Variants in RXRA observed in about 807,000 individuals in gnomAD.
The protein encoded by RXRA is retinoic acid receptor RXR-alpha.
Under a neutral mutation model 44.5 loss-of-function variants are expected in RXRA, and 5 were observed. The observed-to-expected ratio is 0.11, with a 90% CI of 0.06 to 0.24. RXRA has a LOEUF of 0.24. Ranked by LOEUF, RXRA falls within the 10% of genes least tolerant of loss-of-function variation. The pLI is 1.00. For missense variants in RXRA, 412 were observed against 646.5 expected, an observed-to-expected ratio of 0.64 and a Z score of 3.93; for synonymous variants, 291 against 271.4, an observed-to-expected ratio of 1.07 and a Z score of -0.71.
chr9:134,368,362 C>T (rs960770868), intron 1 of RXRA, among the ~76,000 whole-genome samples: 1 of 152,244 alleles, frequency 6.6e-6, no homozygotes, highest in African/African-American at 2.4e-5. Context: ...CCCTTGCCAC[C>T]CACTCCCCTG....
intron 1 of RXRA, among the ~76,000 whole-genome samples, chr9:134,332,387 G>T (rs138288577): frequency 4.6e-5 from 7 of 152,214 alleles, no homozygotes; most frequent in Non-Finnish European, 7.3e-5. Context: ...GCAGGCGTCC[G>T]CCGCAGCCTT....
intron 1 of RXRA, among the ~76,000 whole-genome samples, chr9:134,369,138 GGGGTTA>G (rs1830457037): frequency 2.2e-5 from 2 of 91,984 alleles, no homozygotes; most frequent in African/African-American, 4.7e-5. Flanking sequence ...GGTTGTGTGT[GGGGTTA>G]TGTGTGTGTG....
intron 1 of RXRA, among the ~76,000 whole-genome samples, chr9:134,384,320 A>T (rs1259827720): frequency 6.6e-6 from 1 of 152,056 alleles, no homozygotes; most frequent in Non-Finnish European, 1.5e-5. Context: ...TCATCTTTGA[A>T]CCCCAAACTG....
chr9:134,424,328 C>T (rs1292367593), intron 6 of RXRA: 2 of 985,414 alleles, frequency 2.0e-6, no homozygotes, highest in East Asian at 2.3e-4. Flanking sequence ...AGGGTGGCCT[C>T]TGCTCCTGCC....
At chr9:134,408,859 G>A in intron 3 of RXRA, 81 bp from the exon 4 acceptor site, 1 of 1,325,724 alleles carries the variant, frequency 7.5e-7, no homozygotes. Flanking sequence ...CCGCCAGCTG[G>A]TAGTGGCGGC....
In RXRA at chr9:134,436,057, G is replaced by A. The variant is rs1230298825; in HGVS notation, c.1242-410G>A. On this transcript the variant is annotated intron_variant, in intron 9 of 9. Coordinates refer to ENST00000481739, the MANE Select transcript of RXRA (RefSeq NM_002957.6). Reference sequence around the variant, plus strand: ...GACAGGGTCTCACTGCGTTGCCCAGGCTGGTCTCGAACTCCTGGCCTCAAG... The same window carrying A: ...GACAGGGTCTCACTGCGTTGCCCAGACTGGTCTCGAACTCCTGGCCTCAAG... Among the ~76,000 whole-genome samples, 5 of 152,302 alleles carry A rather than the reference G, an allele frequency of 3.3e-5. No homozygotes were observed. In the East Asian group the frequency reaches 9.7e-4, roughly 29 times the overall value.
chr9:134,414,430 T>A (rs1831200809), intron 4 of RXRA, among the ~76,000 whole-genome samples: 1 of 152,244 alleles, frequency 6.6e-6, no homozygotes, highest in Non-Finnish European at 1.5e-5. Flanking sequence ...CCCCGTGTGC[T>A]GGCGCTTCCT....
chr9:134,357,128 G>A (rs1830293095), intron 1 of RXRA, among the ~76,000 whole-genome samples: 1 of 151,758 alleles, frequency 6.6e-6, no homozygotes, highest in African/African-American at 2.4e-5. Flanking sequence ...TGTCTCCGCA[G>A]CCTGTTGCAA....
intron 1 of RXRA, among the ~76,000 whole-genome samples, chr9:134,358,077 C>T (rs1225216182): frequency 6.6e-6 from 1 of 152,266 alleles, no homozygotes; most frequent in Admixed American, 6.5e-5. Flanking sequence ...CCTGCAGCAC[C>T]ATCTCCACGG....
In RXRA at chr9:134,335,844, C is replaced by A. The variant is rs572205217; in HGVS notation, c.28+9185C>A. ...CCCTTCCCTACCACCTATTCCTATACCCCTTGGTCTGTCCCTGTAGTGCCC... is the reference window on the plus strand; with the variant it reads ...CCCTTCCCTACCACCTATTCCTATAACCCTTGGTCTGTCCCTGTAGTGCCC... On this transcript the variant is annotated intron_variant, in intron 1 of 9. Coordinates refer to ENST00000481739, the MANE Select transcript of RXRA (RefSeq NM_002957.6). Among the ~76,000 whole-genome samples the A allele has an allele frequency of 2.0e-3, 311 of 152,270 alleles. 1 individual carries two copies. Among genetic ancestry groups the A allele is most frequent in the African/African-American group, 7.2e-3 (298 of 41,544 alleles).
chr9:134,419,177 C>T (rs1013336586), intron 5 of RXRA, among the ~76,000 whole-genome samples: 1 of 152,228 alleles, frequency 6.6e-6, no homozygotes, highest in Non-Finnish European at 1.5e-5. Context: ...CTGCCCTGCT[C>T]CCGCCTCACC....
rs1037645543 is a variant in RXRA at position 134,356,661 on chromosome 9, G to A, written c.28+30002G>A. ...ACTGTATGCTAGCACTGCGGTGGCC[G>A]TCCTGCTCAGCGGCTCTTGGATTAG... On this transcript the variant is annotated intron_variant, in intron 1 of 9. Coordinates refer to ENST00000481739, the MANE Select transcript of RXRA (RefSeq NM_002957.6). Among the ~76,000 whole-genome samples the A allele has an allele frequency of 9.2e-5, 14 of 152,242 alleles. No homozygotes were observed. In the South Asian group the frequency reaches 1.2e-3, roughly 14 times the overall value.
rs1356555414 is a variant in RXRA at position 134,342,810 on chromosome 9, TCTGG to T, written c.28+16158_28+16161del. Among the ~76,000 whole-genome samples, 1 of 152,090 alleles carries T rather than the reference TCTGG, an allele frequency of 6.6e-6. No homozygotes were observed. Among genetic ancestry groups the T allele is most frequent in the Non-Finnish European group, 1.5e-5 (1 of 68,002 alleles). ...TACCTGCCTTCCTGGCCCTTCCTGC[TCTGG>T]CTGGCTCAGCAGGTTGAGCGCAGGT... On this transcript the variant is annotated intron_variant, in intron 1 of 9. Transcript: ENST00000481739. The surrounding 1 kb of genome is among the most constrained non-coding windows in gnomAD (Gnocchi z 4.4).
At chr9:134,331,874 C>T (rs1554746686) in intron 1 of RXRA, among the ~76,000 whole-genome samples, 1 of 152,248 alleles carries the variant, frequency 6.6e-6, no homozygotes, top group African/African-American at 2.4e-5. Context: ...GTCCTCCTGC[C>T]TCTCAGCATC....
chr9:134,335,161 C>T (rs1376247402), intron 1 of RXRA, among the ~76,000 whole-genome samples: 1 of 152,198 alleles, frequency 6.6e-6, no homozygotes, highest in Non-Finnish European at 1.5e-5. Flanking sequence ...CCTCATTAGG[C>T]ACCTCTCACT....
chr9:134,421,673 C>T lies in RXRA; in HGVS notation c.781-3C>T, dbSNP rs199872291. On this transcript the variant is annotated splice_polypyrimidine_tract_variant and splice_region_variant and intron_variant, in intron 5 of 9. Coordinates refer to ENST00000481739, the MANE Select transcript of RXRA (RefSeq NM_002957.6). Reference sequence around the variant, plus strand: ...ATGTCCTGCTCTTCTTCCTCCACTGCAGCCGAACGACCCTGTCACCAACAT... The same window carrying T: ...ATGTCCTGCTCTTCTTCCTCCACTGTAGCCGAACGACCCTGTCACCAACAT... The T allele has an allele frequency of 6.4e-7, 1 of 1,558,640 alleles. No homozygotes were observed. The highest frequency in any genetic ancestry group is 8.7e-7 in the Non-Finnish European group (1 of 1,147,450).
intron 1 of RXRA, among the ~76,000 whole-genome samples, chr9:134,367,449 A>T (rs533290278): frequency 4.8e-4 from 73 of 152,210 alleles, no homozygotes; most frequent in Non-Finnish European, 9.7e-4. Context: ...GCGTCCCCAC[A>T]TGCAGGGACG....
At chr9:134,419,989 C>T (rs922031907) in intron 5 of RXRA, among the ~76,000 whole-genome samples, 35 of 152,210 alleles carry the variant, frequency 2.3e-4, no homozygotes, top group Non-Finnish European at 7.3e-5. Context: ...GAGGTCCCAG[C>T]CAGCCCAGGA....
At chr9:134,398,795 G>A (rs960465109) in intron 1 of RXRA, among the ~76,000 whole-genome samples, 2 of 152,212 alleles carry the variant, frequency 1.3e-5, no homozygotes, top group Admixed American at 1.3e-4. Flanking sequence ...AAAGGTGGGC[G>A]GCCTTCCCAG....
Sources: gnomAD v4.1 joint callset for allele counts (sites outside exome capture counted in the v4.1 genomes callset) on GRCh38, gnomAD v4.1.1 for gene constraint, Gnocchi (gnomAD v3.1) non-coding constraint, MANE v1.5 for transcripts, NCBI Gene and HGNC (gene_info 2026-07-23, HGNC 2026-07-21) for gene names.